Variants in NCOA1 observed in about 807,000 individuals in gnomAD.
The protein encoded by NCOA1 is Hin-2 protein.
In NCOA1, 35 loss-of-function variants were observed where a neutral mutation model predicts 150.9. The observed-to-expected ratio is 0.23, with a 90% confidence interval of 0.18 to 0.31. NCOA1 has a LOEUF of 0.31. Among genes scored for constraint, NCOA1 ranks in the 10% least tolerant of loss-of-function variants. The pLI is 1.00. For synonymous variants in NCOA1, 590 were observed against 630.0 expected (o/e 0.94, Z 0.95); for missense variants, 1,491 against 1,749.3 (o/e 0.85, Z 2.63).
chr2:24,580,040 C>T (rs1045971224), intron 2 of NCOA1, among the ~76,000 whole-genome samples: 1 of 152,266 alleles, frequency 6.6e-6, no homozygotes, highest in East Asian at 1.9e-4. Flanking sequence ...CAGGTGTGGA[C>T]GTCAGTAAAA....
At chr2:24,589,925 A>G (rs1667582374) in intron 3 of NCOA1, among the ~76,000 whole-genome samples, 1 of 152,114 alleles carries the variant, frequency 6.6e-6, no homozygotes, top group Admixed American at 6.6e-5. Flanking sequence ...TGGGGCTATA[A>G]TTCATATTTT....
intron 2 of NCOA1, among the ~76,000 whole-genome samples, chr2:24,576,163 GTTTTTTGTTTTTTTTTTTTTTTT>G (rs1157399832): frequency 1.1e-5 from 1 of 92,734 alleles, no homozygotes; most frequent in Non-Finnish European, 2.1e-5. Context: ...TTTTTTTTTT[GTTTTTTGTTTTTTTTTTTTTTTT>G]TTTTTGTTTG....
intron 3 of NCOA1, among the ~76,000 whole-genome samples, chr2:24,635,783 A>G (rs1669913878): frequency 6.6e-6 from 1 of 152,162 alleles, no homozygotes. Flanking sequence ...CTAACTATAA[A>G]TCCCTTTCTT....
At chr2:24,566,450 T>C (rs1396428787) in intron 2 of NCOA1, among the ~76,000 whole-genome samples, 1 of 152,180 alleles carries the variant, frequency 6.6e-6, no homozygotes, top group African/African-American at 2.4e-5. Flanking sequence ...TCTCCACAGC[T>C]GGTCATCCTA....
intron 3 of NCOA1, among the ~76,000 whole-genome samples, chr2:24,625,432 T>C (rs981753637): frequency 6.6e-6 from 1 of 152,084 alleles, no homozygotes; most frequent in Non-Finnish European, 1.5e-5. Flanking sequence ...GAACTGGGGA[T>C]TTAAAAATTT....
intron 1 of NCOA1, among the ~76,000 whole-genome samples, chr2:24,549,081 C>T (rs919806067): frequency 6.6e-6 from 1 of 152,204 alleles, no homozygotes; most frequent in Non-Finnish European, 1.5e-5. Flanking sequence ...AGAGCCCCGC[C>T]CCTGCAACAA....
chr2:24,543,418 C>A (rs141486175), intron 1 of NCOA1, among the ~76,000 whole-genome samples: 237 of 152,248 alleles, frequency 1.6e-3, no homozygotes, highest in Middle Eastern at 6.8e-3. Context: ...CCCTGCCTCC[C>A]AACACTGCCA....
intron 5 of NCOA1, among the ~76,000 whole-genome samples, chr2:24,665,296 CAG>C (rs1671367084): frequency 6.6e-6 from 1 of 152,120 alleles, no homozygotes. Context: ...AAGAGTTTAT[CAG>C]AGTTATTGGA....
intron 1 of NCOA1, among the ~76,000 whole-genome samples, chr2:24,550,553 C>G (rs940112946): frequency 6.6e-5 from 10 of 152,184 alleles, no homozygotes; most frequent in African/African-American, 1.9e-4. Flanking sequence ...GGGAAAAGAC[C>G]TGCCCCTATG....
chr2:24,547,858 G>A (rs570947771), intron 1 of NCOA1, among the ~76,000 whole-genome samples: 9 of 151,828 alleles, frequency 5.9e-5, no homozygotes, highest in African/African-American at 1.2e-4. Flanking sequence ...GCCTGGTGGC[G>A]GGCACCCGTA....
At chr2:24,551,719 G>A (rs1665839916) in intron 1 of NCOA1, among the ~76,000 whole-genome samples, 1 of 152,138 alleles carries the variant, frequency 6.6e-6, no homozygotes, top group African/African-American at 2.4e-5. Context: ...CCAACCCCTG[G>A]GCTAACCTGC....
intron 12 of NCOA1, 24 bp downstream of exon 12, chr2:24,705,257 A>T: frequency 1.2e-6 from 2 of 1,609,868 alleles, no homozygotes; most frequent in Admixed American, 1.7e-5. Context: ...GGAGAGCTTC[A>T]TATGAAATAA....
At chr2:24,610,402 A>T (rs1668570200) in intron 3 of NCOA1, among the ~76,000 whole-genome samples, 2 of 151,924 alleles carry the variant, frequency 1.3e-5, no homozygotes, top group East Asian at 3.9e-4. Context: ...TGGCCTCCCA[A>T]AGTGCTGGGA....
chr2:24,504,812 C>T (rs1663620647), intron 1 of NCOA1, among the ~76,000 whole-genome samples: 1 of 152,110 alleles, frequency 6.6e-6, no homozygotes, highest in African/African-American at 2.4e-5. Flanking sequence ...GGTAAGATTT[C>T]AGGTAAGAAA....
intron 18 of NCOA1, 30 bp downstream of exon 18, chr2:24,739,563 A>G (rs1341343940): frequency 6.7e-7 from 1 of 1,499,480 alleles, no homozygotes; most frequent in Admixed American, 1.7e-5. Context: ...CGTCATTAGT[A>G]CTTCTTTAAC....
intron 1 of NCOA1, among the ~76,000 whole-genome samples, chr2:24,522,675 G>A (rs1365741264): frequency 6.6e-6 from 1 of 152,126 alleles, no homozygotes; most frequent in African/African-American, 2.4e-5. Flanking sequence ...TGTATGTCAA[G>A]GGATGATTTG....
chr2:24,646,794 C>T (rs1670495994), intron 4 of NCOA1, among the ~76,000 whole-genome samples: 1 of 149,960 alleles, frequency 6.7e-6, no homozygotes, highest in Non-Finnish European at 1.5e-5. Context: ...CAAAGGAAAT[C>T]TAGAAACTAG....
At chr2:24,563,540 C>G (rs1470943230) in intron 1 of NCOA1, among the ~76,000 whole-genome samples, 1 of 149,940 alleles carries the variant, frequency 6.7e-6, no homozygotes, top group Non-Finnish European at 1.5e-5. Context: ...TTTTTTGAGA[C>G]AAGATCTCAC....
At chr2:24,603,820 C>T (rs1242690076) in intron 3 of NCOA1, among the ~76,000 whole-genome samples, 1 of 152,192 alleles carries the variant, frequency 6.6e-6, no homozygotes, top group Non-Finnish European at 1.5e-5. Context: ...ATTTGATCTC[C>T]CATGAATCAC....
Sources: gnomAD v4.1 joint callset for allele counts (sites outside exome capture counted in the v4.1 genomes callset) on GRCh38, gnomAD v4.1.1 for gene constraint, MANE v1.5 for transcripts, NCBI Gene and HGNC (gene_info 2026-07-23, HGNC 2026-07-21) for gene names.